The following CDYL variants were observed in gnomAD, a reference collection of about 807,000 sequenced individuals.
CDYL encodes chromodomain Y-like protein.
In CDYL, 8 loss-of-function variants were observed where a neutral mutation model predicts 47.3. The observed-to-expected ratio is 0.17, with a 90% CI of 0.10 to 0.31. The LOEUF (loss-of-function observed/expected upper bound fraction) is 0.31, where lower values mean the gene tolerates loss of function less well. Among genes scored for constraint, CDYL ranks in the 10% least tolerant of loss-of-function variants. The pLI, the probability that CDYL is intolerant of heterozygous loss-of-function variation, is 1.00. For missense variants in CDYL, 471 were observed against 701.4 expected, an observed-to-expected ratio of 0.67 and a Z score of 3.71; for synonymous variants, 266 against 265.0, an observed-to-expected ratio of 1.00 and a Z score of -0.04.
rs1016051589 is a variant in CDYL at position 4,819,162 on chromosome 6, C to CTCTCTCTG, written c.24+42356_24+42357insCTCTCTGT. 4.4e-3 allele frequency among the ~76,000 whole-genome samples: 490 copies of CTCTCTCTG among 111,848 alleles called. 2 individuals carry two copies. The highest frequency in any genetic ancestry group is 0.012 in the African/African-American group (246 of 20,702). The allele number at this position is 111,848 out of a possible 152,430, so 73.4% of individuals were successfully genotyped here. ...TCTCTCTCTCTCTCTCTCTCTCTCT[C>CTCTCTCTG]TGTGTGTGTGTGTGTGTGTGTAGCT... On this transcript the variant is annotated intron_variant, in intron 1 of 6. Coordinates refer to ENST00000397588, the MANE Select transcript of CDYL (RefSeq NM_004824.4).
At chr6:4,854,628 A>G (rs944229043) in intron 1 of CDYL, among the ~76,000 whole-genome samples, 2 of 152,216 alleles carry the variant, frequency 1.3e-5, no homozygotes, top group Non-Finnish European at 2.9e-5. Context: ...TCATGACACT[A>G]CAAGAGGAGA....
chr6:4,940,163 C>T (rs1376364956), intron 4 of CDYL, among the ~76,000 whole-genome samples: 2 of 152,220 alleles, frequency 1.3e-5, no homozygotes. Flanking sequence ...CAGCTCCCTG[C>T]TCCGTCCACT....
At chr6:4,865,442 G>A (rs1185730087) in intron 1 of CDYL, among the ~76,000 whole-genome samples, 3 of 152,132 alleles carry the variant, frequency 2.0e-5, no homozygotes, top group Admixed American at 6.5e-5. Flanking sequence ...GTTTATTCTC[G>A]CCATTGCTCC....
At chr6:4,750,524 G>T (rs1373975657) in intron 3 of CDYL, among the ~76,000 whole-genome samples, 2 of 152,046 alleles carry the variant, frequency 1.3e-5, no homozygotes, top group African/African-American at 2.4e-5. Flanking sequence ...TTAATTAGCT[G>T]GGAATGGTGG....
chr6:4,918,084 A>C (rs902112285), intron 2 of CDYL, among the ~76,000 whole-genome samples: 10 of 152,256 alleles, frequency 6.6e-5, no homozygotes, highest in African/African-American at 2.4e-4. Context: ...GTAATTGATC[A>C]GTTGTCTTAT....
chr6:4,795,533 AT>A (rs1581171548), intron 1 of CDYL, among the ~76,000 whole-genome samples: 1 of 151,972 alleles, frequency 6.6e-6, no homozygotes, highest in Non-Finnish European at 1.5e-5. Flanking sequence ...TGAACTATTT[AT>A]TTTCCATCGA....
intron 1 of CDYL, among the ~76,000 whole-genome samples, chr6:4,837,937 C>G (rs1241496272): frequency 6.8e-6 from 1 of 147,808 alleles, no homozygotes; most frequent in Non-Finnish European, 1.5e-5. Context: ...ACAAACCCAG[C>G]TAATTTTTTT....
chr6:4,938,221 GTTT>G (rs766492951), intron 4 of CDYL, among the ~76,000 whole-genome samples: 8,299 of 144,996 alleles, frequency 0.057, 275 homozygotes, highest in South Asian at 0.075. Flanking sequence ...TTGTTTTTTG[GTTT>G]TTTTTGTTGT....
At chr6:4,716,593 A>ATT (rs35154777) in intron 2 of CDYL, among the ~76,000 whole-genome samples, 6,086 of 119,894 alleles carry the variant, frequency 0.051, 211 homozygotes, top group Middle Eastern at 0.082. Context: ...GGCAGCAATA[A>ATT]TTTTTTTTTT....
intron 1 of CDYL, among the ~76,000 whole-genome samples, chr6:4,877,415 A>G (rs1359448545): frequency 2.0e-5 from 3 of 152,076 alleles, no homozygotes; most frequent in African/African-American, 7.2e-5. Flanking sequence ...GCCTTCCCCA[A>G]AGTCACAAGG....
chr6:4,814,335 C>T (rs1759610992), intron 1 of CDYL, among the ~76,000 whole-genome samples: 1 of 152,196 alleles, frequency 6.6e-6, no homozygotes, highest in East Asian at 1.9e-4. Flanking sequence ...GGAAAAACAA[C>T]CTTTAAGTAA....
chr6:4,720,794 C>T (rs1757353214), intron 2 of CDYL, among the ~76,000 whole-genome samples: 1 of 152,182 alleles, frequency 6.6e-6, no homozygotes, highest in African/African-American at 2.4e-5. Flanking sequence ...AAAATAATAT[C>T]TTGAATTGAA....
At chr6:4,847,883 C>T (rs1760709378) in intron 1 of CDYL, among the ~76,000 whole-genome samples, 1 of 152,156 alleles carries the variant, frequency 6.6e-6, no homozygotes, top group South Asian at 2.1e-4. Context: ...CAGTCAGGAA[C>T]AATTGTCAGG....
chr6:4,881,148 C>T (rs577892767), intron 1 of CDYL, among the ~76,000 whole-genome samples: 4 of 152,176 alleles, frequency 2.6e-5, no homozygotes, highest in South Asian at 2.1e-4. Flanking sequence ...GCACTCAGTC[C>T]ACTTACATTT....
intron 2 of CDYL, among the ~76,000 whole-genome samples, chr6:4,719,857 G>C (rs1046994991): frequency 3.3e-5 from 5 of 151,920 alleles, no homozygotes; most frequent in Non-Finnish European, 7.4e-5. Flanking sequence ...ACCTTCTATG[G>C]CCATTACACA....
chr6:4,952,531 C>T lies in CDYL; in HGVS notation c.1476+122C>T, dbSNP rs963124641. 12 of 1,081,580 alleles carry T rather than the reference C, an allele frequency of 1.1e-5. No homozygotes were observed. In the Admixed American group the frequency reaches 1.2e-4, roughly 11 times the overall value. 67.0% of individuals were successfully genotyped at this position (1,081,580 alleles called of 1,614,324 possible). On this transcript the variant is annotated intron_variant, in intron 6 of 6. Coordinates refer to ENST00000397588, the MANE Select transcript of CDYL (RefSeq NM_004824.4). ...CGTTTGTCCTCAACAGAGCACCTTC[C>T]CGTGAAGTCCTGCCAGAACCTATTG...
At chr6:4,953,481 C>T (rs908820454) in intron 6 of CDYL, among the ~76,000 whole-genome samples, 5 of 152,116 alleles carry the variant, frequency 3.3e-5, no homozygotes, top group African/African-American at 7.2e-5. Context: ...TTAACTGACA[C>T]GACTCCCATC....
chr6:4,859,452 T>C (rs1761101556), intron 1 of CDYL, among the ~76,000 whole-genome samples: 1 of 152,178 alleles, frequency 6.6e-6, no homozygotes. Context: ...GTTATGTCCC[T>C]GCCACGGTCC....
intron 2 of CDYL, among the ~76,000 whole-genome samples, chr6:4,904,286 G>A (rs1260696825): frequency 6.6e-6 from 1 of 152,238 alleles, no homozygotes; most frequent in East Asian, 1.9e-4. Flanking sequence ...TTTTTAAAAA[G>A]TAATTACCCC....
Sources: allele counts gnomAD v4.1 joint callset (sites outside exome capture counted in the v4.1 genomes callset), GRCh38; gene constraint gnomAD v4.1.1; transcripts MANE v1.5; gene names NCBI Gene and HGNC (gene_info 2026-07-23, HGNC 2026-07-21).